The following ZNRF2 variants were observed in gnomAD, a reference collection of about 807,000 sequenced individuals.
ZNRF2 encodes the protein E3 ubiquitin-protein ligase ZNRF2.
Under a neutral mutation model 20.4 loss-of-function variants are expected in ZNRF2, and 16 were observed. That is an observed-to-expected ratio of 0.79 (90% CI 0.53 to 1.19). The LOEUF is 1.19. Ranked by LOEUF, ZNRF2 falls within the 50% of genes most tolerant of loss-of-function variation. The pLI, the probability that ZNRF2 is intolerant of heterozygous loss-of-function variation, is 0.00. For synonymous variants in ZNRF2, 178 were observed against 144.9 expected, an observed-to-expected ratio of 1.23 and a Z score of -1.64; for missense variants, 363 against 332.4, an observed-to-expected ratio of 1.09 and a Z score of -0.72.
At chr7:30,293,248 A>ATTTTTTTTTTTTTTTTTTTGTTTT (rs71557451) in intron 1 of ZNRF2, among the ~76,000 whole-genome samples, 1 of 133,730 alleles carries the variant, frequency 7.5e-6, no homozygotes. Context: ...AAATTTTTAC[A>ATTTTTTTTTTTTTTTTTTTGTTTT]TTTTTTTTTT....
chr7:30,311,020 A>C (rs1010597699), intron 1 of ZNRF2, among the ~76,000 whole-genome samples: 1 of 152,112 alleles, frequency 6.6e-6, no homozygotes, highest in Non-Finnish European at 1.5e-5. Context: ...TGCCTTTTCC[A>C]AGCTGTTGTG....
At chr7:30,322,116 C>T (rs549990473) in intron 1 of ZNRF2, among the ~76,000 whole-genome samples, 1 of 152,138 alleles carries the variant, frequency 6.6e-6, no homozygotes, top group Non-Finnish European at 1.5e-5. Context: ...TTAATCGAAT[C>T]CTCCTTCCTG....
intron 2 of ZNRF2, among the ~76,000 whole-genome samples, chr7:30,352,613 C>T (rs916908364): frequency 3.9e-5 from 6 of 152,008 alleles, no homozygotes; most frequent in African/African-American, 1.4e-4. Flanking sequence ...TCTTGTGTCT[C>T]CATTGATCAT....
intron 2 of ZNRF2, among the ~76,000 whole-genome samples, chr7:30,355,412 G>C (rs1240036403): frequency 1.3e-5 from 2 of 151,956 alleles, no homozygotes; most frequent in Non-Finnish European, 2.9e-5. Flanking sequence ...ATAAATTCAT[G>C]GTACAAATAA....
intron 1 of ZNRF2, among the ~76,000 whole-genome samples, chr7:30,306,428 C>T (rs1799206617): frequency 6.6e-6 from 1 of 152,064 alleles, no homozygotes; most frequent in South Asian, 2.1e-4. Flanking sequence ...ATAATAAAAG[C>T]TGTTGAAACA....
At chr7:30,285,923 T>G (rs1798778997) in intron 1 of ZNRF2, 97 bp downstream of exon 1, 4 of 1,327,616 alleles carry the variant, frequency 3.0e-6, no homozygotes, top group South Asian at 1.9e-5. Flanking sequence ...TTTCTCCTTC[T>G]GCCGGGGCGC....
At chr7:30,323,801 G>A in intron 2 of ZNRF2, 64 bp downstream of exon 2, 1 of 1,103,156 alleles carries the variant, frequency 9.1e-7, no homozygotes, top group Non-Finnish European at 1.3e-6. Context: ...TGAATTTCAT[G>A]TTTCAAGTAT....
chr7:30,347,483 T>C (rs1046481727), intron 2 of ZNRF2, among the ~76,000 whole-genome samples: 11 of 152,186 alleles, frequency 7.2e-5, no homozygotes, highest in Non-Finnish European at 1.5e-4. Context: ...TAGAGGACAT[T>C]GACCAAGTCC....
chr7:30,321,582 A>T (rs1799470442), intron 1 of ZNRF2, among the ~76,000 whole-genome samples: 1 of 152,058 alleles, frequency 6.6e-6, no homozygotes, highest in Non-Finnish European at 1.5e-5. Context: ...CTTAGGCTCT[A>T]CTTTGTAGGC....
chr7:30,290,807 T>G (rs1562602145), intron 1 of ZNRF2, among the ~76,000 whole-genome samples: 1 of 152,224 alleles, frequency 6.6e-6, no homozygotes, highest in African/African-American at 2.4e-5. Context: ...TTTAATTTAC[T>G]TTTAAAAAGT....
At position 30,320,048 on chromosome 7, in the gene ZNRF2, A is replaced by G. The variant is rs192449319; in HGVS notation, c.470-3594A>G. Among the ~76,000 whole-genome samples, 4 of 152,242 alleles carry G rather than the reference A, an allele frequency of 2.6e-5. No homozygotes were observed. In the South Asian group the frequency reaches 6.2e-4, roughly 24 times the overall value. Reference sequence around the variant, plus strand: ...ACTACCTGTGTGTCCGTGAGTTTATATATTTATTTAACCACGAATTCTTTG... The same window carrying G: ...ACTACCTGTGTGTCCGTGAGTTTATGTATTTATTTAACCACGAATTCTTTG... On this transcript the variant is annotated intron_variant, in intron 1 of 4. Coordinates refer to ENST00000323037, the MANE Select transcript of ZNRF2 (RefSeq NM_147128.4).
At chr7:30,354,889 A>G (rs1800013287) in intron 2 of ZNRF2, among the ~76,000 whole-genome samples, 1 of 152,188 alleles carries the variant, frequency 6.6e-6, no homozygotes, top group Non-Finnish European at 1.5e-5. Flanking sequence ...TACATACTCT[A>G]TTTTAAGCAA....
chr7:30,340,901 T>TA (rs1265217086), intron 2 of ZNRF2, among the ~76,000 whole-genome samples: 1 of 152,188 alleles, frequency 6.6e-6, no homozygotes, highest in African/African-American at 2.4e-5. Context: ...GGCTATTAAT[T>TA]ACTGCCTCAA....
intron 1 of ZNRF2, among the ~76,000 whole-genome samples, chr7:30,307,282 G>A (rs1799220912): frequency 6.9e-6 from 1 of 145,536 alleles, no homozygotes; most frequent in Non-Finnish European, 1.5e-5. Flanking sequence ...GTTTTTCTTG[G>A]AGCTTGCATT....
In ZNRF2 at chr7:30,341,207, G is replaced by T. The variant is rs571548637; in HGVS notation, c.566-14521G>T. 2.6e-5 allele frequency among the ~76,000 whole-genome samples: 4 copies of T among 151,432 alleles called. No homozygotes were observed. In the East Asian group the frequency reaches 7.8e-4, roughly 29 times the overall value. On this transcript the variant is annotated intron_variant, in intron 2 of 4. Transcript: ENST00000323037. Reference sequence around the variant, plus strand: ...GCTCTTGGATTCATTGATTTTTTTTGGAAGCGTTTTTTGTGTCTCTTATCT... The same window carrying T: ...GCTCTTGGATTCATTGATTTTTTTTTGAAGCGTTTTTTGTGTCTCTTATCT...
chr7:30,349,550 T>G (rs982415370), intron 2 of ZNRF2, among the ~76,000 whole-genome samples: 5 of 151,938 alleles, frequency 3.3e-5, no homozygotes, highest in Non-Finnish European at 2.9e-5. Flanking sequence ...CATAATAAAT[T>G]GGAAGAGTTG....
chr7:30,340,797 A>G (rs1799782274), intron 2 of ZNRF2, among the ~76,000 whole-genome samples: 1 of 151,938 alleles, frequency 6.6e-6, no homozygotes, highest in African/African-American at 2.4e-5. Context: ...TATTGTTTGG[A>G]ATAGTTTCAG....
chr7:30,317,660 CAA>C (rs773611726), intron 1 of ZNRF2, among the ~76,000 whole-genome samples: 2 of 152,138 alleles, frequency 1.3e-5, no homozygotes, highest in Non-Finnish European at 2.9e-5. Flanking sequence ...TTCAGTAATG[CAA>C]AAGAGGGCCA....
intron 1 of ZNRF2, among the ~76,000 whole-genome samples, chr7:30,304,002 T>C (rs1231948274): frequency 1.3e-5 from 2 of 152,178 alleles, no homozygotes; most frequent in Non-Finnish European, 1.5e-5. Context: ...CATTGTTGAA[T>C]AGATTTTACT....
Sources: gnomAD v4.1 joint callset for allele counts (sites outside exome capture counted in the v4.1 genomes callset) on GRCh38, gnomAD v4.1.1 for gene constraint, MANE v1.5 for transcripts, NCBI Gene and HGNC (gene_info 2026-07-23, HGNC 2026-07-21) for gene names.